Variants in SNX29 observed in about 807,000 individuals in gnomAD.
SNX29 encodes sorting nexin-29.
In SNX29, 78 loss-of-function variants were observed where a neutral mutation model predicts 102.1. The observed-to-expected ratio is 0.76, with a 90% confidence interval of 0.64 to 0.92. The LOEUF is 0.92. Ranked by LOEUF, SNX29 falls within the 40% of genes least tolerant of loss-of-function variation. The pLI, the probability that SNX29 is intolerant of heterozygous loss-of-function variation, is 0.00. For missense variants in SNX29, 1,280 were observed against 1,061.7 expected (o/e 1.21, Z -2.86); for synonymous variants, 580 against 414.5 (o/e 1.40, Z -4.85).
At chr16:12,559,094 CTAGGA>C (rs1446991227) in intron 20 of SNX29, among the ~76,000 whole-genome samples, 3 of 152,138 alleles carry the variant, frequency 2.0e-5, no homozygotes, top group African/African-American at 7.2e-5. Flanking sequence ...GCTCCTTAGT[CTAGGA>C]TGAGTAGTAG....
intron 14 of SNX29, among the ~76,000 whole-genome samples, chr16:12,246,194 G>T (rs1380128988): frequency 6.6e-6 from 1 of 152,116 alleles, no homozygotes; most frequent in African/African-American, 2.4e-5. Context: ...TATTAACATG[G>T]AAATAAGGTC....
chr16:12,205,895 A>G (rs1042553466), intron 14 of SNX29, among the ~76,000 whole-genome samples: 8 of 152,240 alleles, frequency 5.3e-5, no homozygotes, highest in East Asian at 1.9e-4. Flanking sequence ...CACGTGCTCT[A>G]TAAATGTTTA....
At chr16:12,454,773 G>T (rs1270770925) in intron 18 of SNX29, among the ~76,000 whole-genome samples, 1 of 152,080 alleles carries the variant, frequency 6.6e-6, no homozygotes, top group Non-Finnish European at 1.5e-5. Context: ...AGGCTGGAGT[G>T]CAGTGGCGTG....
intron 8 of SNX29, chr16:12,060,699 C>T: frequency 2.2e-6 from 1 of 449,472 alleles, no homozygotes; most frequent in Non-Finnish European, 4.5e-6. Flanking sequence ...GACGGCTATA[C>T]TGCAAAAATA....
intron 17 of SNX29, 50 bp from the exon 18 acceptor site, chr16:12,403,398 T>A (rs2084038197): frequency 6.6e-7 from 1 of 1,515,848 alleles, no homozygotes. Context: ...TTTTATTTTT[T>A]TGTAAGTTAA....
chr16:12,153,010 A>G (rs958011158), intron 13 of SNX29, among the ~76,000 whole-genome samples: 1 of 152,006 alleles, frequency 6.6e-6, no homozygotes, highest in Non-Finnish European at 1.5e-5. Context: ...TGGTTTTTAT[A>G]CTTGGTGATT....
intron 20 of SNX29, among the ~76,000 whole-genome samples, chr16:12,531,788 G>A (rs2076938698): frequency 6.6e-6 from 1 of 152,176 alleles, no homozygotes; most frequent in Non-Finnish European, 1.5e-5. Flanking sequence ...CTGAAGGCAG[G>A]CCCAGAGCCA....
At chr16:12,189,072 C>T (rs1472127083) in intron 13 of SNX29, among the ~76,000 whole-genome samples, 1 of 152,214 alleles carries the variant, frequency 6.6e-6, no homozygotes, top group East Asian at 1.9e-4. Flanking sequence ...TTCCAGGCTT[C>T]ACCCCAAGAG....
intron 13 of SNX29, among the ~76,000 whole-genome samples, chr16:12,136,244 A>T (rs975038880): frequency 1.3e-5 from 2 of 152,186 alleles, no homozygotes; most frequent in African/African-American, 4.8e-5. Context: ...CTGGGGTGGC[A>T]TGGAACACTC....
chr16:12,554,865 G>A (rs1006008393), intron 20 of SNX29, among the ~76,000 whole-genome samples: 4 of 152,164 alleles, frequency 2.6e-5, no homozygotes, highest in Non-Finnish European at 4.4e-5. Flanking sequence ...TCAGGAAAGA[G>A]GACAAAGATA....
intron 13 of SNX29, among the ~76,000 whole-genome samples, chr16:12,156,926 G>A (rs867292940): frequency 3.5e-4 from 53 of 152,278 alleles, no homozygotes; most frequent in South Asian, 6.2e-4. Flanking sequence ...TGGGCCTGCC[G>A]GGTGGCTGGG....
chr16:12,033,720 C>G (rs1408728758), intron 4 of SNX29, among the ~76,000 whole-genome samples: 1 of 151,818 alleles, frequency 6.6e-6, no homozygotes, highest in African/African-American at 2.4e-5. Flanking sequence ...GTTTCTCCTG[C>G]TTCAGCCTCC....
intron 13 of SNX29, among the ~76,000 whole-genome samples, chr16:12,175,448 A>G (rs185255991): frequency 1.5e-4 from 23 of 152,028 alleles, no homozygotes; most frequent in Admixed American, 7.2e-4. Context: ...GGCCAAAAAG[A>G]TGAAACCCCT....
chr16:12,336,219 G>T (rs1378047091), intron 15 of SNX29, among the ~76,000 whole-genome samples: 1 of 151,900 alleles, frequency 6.6e-6, no homozygotes, highest in African/African-American at 2.4e-5. Context: ...CTTCCAGCCT[G>T]TAGGGAGAAA....
chr16:12,275,079 T>C (rs1235100235), intron 14 of SNX29, among the ~76,000 whole-genome samples: 1 of 152,208 alleles, frequency 6.6e-6, no homozygotes, highest in African/African-American at 2.4e-5. Context: ...GGATGTGATT[T>C]CTAGATGTCT....
intron 14 of SNX29, among the ~76,000 whole-genome samples, chr16:12,214,652 C>T (rs540090492): frequency 6.6e-6 from 1 of 152,156 alleles, no homozygotes; most frequent in Admixed American, 6.5e-5. Flanking sequence ...GGGCTTAATT[C>T]ACTGGTTTAT....
chr16:12,570,162 C>A lies in SNX29; in HGVS notation c.*1533C>A. 9.4e-7 allele frequency: 1 copy of A among 1,065,322 alleles called. No homozygotes were observed. The highest frequency in any genetic ancestry group is 4.5e-5 in the South Asian group (1 of 22,020). The allele number at this position is 1,065,322 out of a possible 1,614,324, so 66.0% of individuals were successfully genotyped here. ...CTGAGATCACTCACACACAGCGCCC[C>A]CCCACCCCAGAGAAACCGAGTCAGC... On this transcript the variant is annotated 3_prime_UTR_variant, in exon 21 of 21. Coordinates refer to ENST00000566228, the MANE Select transcript of SNX29 (RefSeq NM_032167.5).
At chr16:12,365,901 G>A (rs890367175) in intron 16 of SNX29, among the ~76,000 whole-genome samples, 3 of 151,750 alleles carry the variant, frequency 2.0e-5, no homozygotes, top group African/African-American at 7.3e-5. Flanking sequence ...AATTAGCCAT[G>A]CGTGGTGGCG....
intron 13 of SNX29, among the ~76,000 whole-genome samples, chr16:12,189,503 C>G (rs1481782246): frequency 6.6e-6 from 1 of 152,042 alleles, no homozygotes; most frequent in African/African-American, 2.4e-5. Context: ...GTTGCAGAGG[C>G]GATGCATCTT....
Sources: gnomAD v4.1 joint callset for allele counts (sites outside exome capture counted in the v4.1 genomes callset) on GRCh38, gnomAD v4.1.1 for gene constraint, MANE v1.5 for transcripts, NCBI Gene and HGNC (gene_info 2026-07-23, HGNC 2026-07-21) for gene names.